PSMB2: variants seen among roughly 807,000 people sequenced by gnomAD.
PSMB2 encodes proteasome 20S subunit beta 2, also known as proteasome subunit beta type-2.
PSMB2 carries 13 observed loss-of-function variants against 25.7 expected under a neutral mutation model. That is an observed-to-expected ratio of 0.51 (90% CI 0.33 to 0.80). The LOEUF is 0.80. PSMB2 is among the 30% of genes least tolerant of loss of function. The probability of loss-of-function intolerance (pLI) is 0.02; values close to 1 mark genes in which losing one functional copy is unlikely to be tolerated. For synonymous variants in PSMB2, 87 were observed against 96.2 expected (o/e 0.90, Z 0.56); for missense variants, 202 against 259.0 (o/e 0.78, Z 1.51).
chr1:35,628,605 A>ATATATATT (rs1650972522), intron 3 of PSMB2, among the ~76,000 whole-genome samples: 2 of 23,690 alleles, frequency 8.4e-5, no homozygotes, highest in African/African-American at 2.5e-4. Flanking sequence ...AAATATATAT[A>ATATATATT]TATATATATA....
rs755346635 is a variant in PSMB2, at chr1:35,641,318, C to T, written c.91+24G>A. The T allele has an allele frequency of 1.9e-6, 3 of 1,613,870 alleles. No individual in the cohort carries two copies. In the East Asian group the frequency reaches 6.7e-5, roughly 36 times the overall value. ...GCCGCTCCTACACCCCAGGCCTGGC[C>T]GGGCCTCCCCTGCTTCCTCTCACCG... On this transcript the variant is annotated intron_variant, in intron 1 of 5. Transcript: ENST00000373237.
At chr1:35,633,724 T>C (rs1186531131) in intron 2 of PSMB2, among the ~76,000 whole-genome samples, 6 of 152,280 alleles carry the variant, frequency 3.9e-5, no homozygotes, top group Admixed American at 3.3e-4. Flanking sequence ...CTAAGTACCA[T>C]GTACTTTATG....
chr1:35,623,900 C>T (rs1650771243), intron 3 of PSMB2, among the ~76,000 whole-genome samples: 1 of 152,190 alleles, frequency 6.6e-6, no homozygotes, highest in Non-Finnish European at 1.5e-5. Context: ...TTCACCTGGG[C>T]CATCTGTTCA....
intron 5 of PSMB2, 123 bp downstream of exon 5, chr1:35,605,110 T>C: frequency 2.4e-6 from 2 of 831,632 alleles, no homozygotes; most frequent in Non-Finnish European, 3.8e-6. Context: ...ACTTCACATC[T>C]GGTTAGTGGG....
At chr1:35,622,686 C>T (rs574504207) in intron 3 of PSMB2, among the ~76,000 whole-genome samples, 2 of 151,970 alleles carry the variant, frequency 1.3e-5, no homozygotes, top group South Asian at 2.1e-4. Flanking sequence ...CACATATATG[C>T]TCTCTGAGTG....
rs1651316107 is a variant in PSMB2 at position 35,638,848 on chromosome 1, G to A, written c.92-2416C>T. ...AAGTGACATACTGGACAATTGATTG[G>A]AAGTTGTATTATCATTTTATACTTG... On this transcript the variant is annotated intron_variant, in intron 1 of 5. Transcript: ENST00000373237. Among the ~76,000 whole-genome samples, 4 of 152,214 alleles carry A rather than the reference G, an allele frequency of 2.6e-5. No individual in the cohort carries two copies. In the South Asian group the frequency reaches 8.3e-4, roughly 31 times the overall value.
chr1:35,622,815 AAAAAAAAAAAGAAAG>A (rs1650728975), intron 3 of PSMB2, among the ~76,000 whole-genome samples: 3 of 151,984 alleles, frequency 2.0e-5, no homozygotes, highest in African/African-American at 7.3e-5. Context: ...ACATTTAAAA[AAAAAAAAAAAGAAAG>A]AAAAAGAAAA....
chr1:35,628,632 T>TAAATATATTTTG, intron 3 of PSMB2, among the ~76,000 whole-genome samples: 1 of 35,484 alleles, frequency 2.8e-5, no homozygotes, highest in Non-Finnish European at 5.2e-5. Flanking sequence ...TATATATATA[T>TAAATATATTTTG]TTTTTTTTTT....
At chr1:35,611,283 A>G (rs965880934) in intron 3 of PSMB2, among the ~76,000 whole-genome samples, 3 of 151,826 alleles carry the variant, frequency 2.0e-5, no homozygotes. Context: ...TTCTTTGAAC[A>G]CTGATTAACA....
chr1:35,617,387 T>C (rs914527312), intron 3 of PSMB2, among the ~76,000 whole-genome samples: 1 of 152,156 alleles, frequency 6.6e-6, no homozygotes, highest in African/African-American at 2.4e-5. Flanking sequence ...TATTCCTTTT[T>C]AAGGAAACCC....
Position 35,602,064 on chromosome 1 carries a change from G to T in PSMB2, c.*1203C>A. ...AAAATACTTTTTAGCCGGGCACGGTGGCTCACGCCTGTAATCCCAGCACTG... is the reference window on the plus strand; with the variant it reads ...AAAATACTTTTTAGCCGGGCACGGTTGCTCACGCCTGTAATCCCAGCACTG... On this transcript the variant is annotated 3_prime_UTR_variant, in exon 6 of 6. Transcript: ENST00000373237. 1 of 541,276 alleles carries T rather than the reference G, an allele frequency of 1.8e-6. No individual in the cohort carries two copies. Among genetic ancestry groups the T allele is most frequent in the Non-Finnish European group, 2.4e-6 (1 of 424,750 alleles). The allele number at this position is 541,276 out of a possible 1,614,324, so 33.5% of individuals were successfully genotyped here.
chr1:35,641,209 TA>T, intron 1 of PSMB2, 132 bp downstream of exon 1: 1 of 1,150,582 alleles, frequency 8.7e-7, no homozygotes, highest in Non-Finnish European at 1.2e-6. Flanking sequence ...AATAAATAAA[TA>T]AAATAAGTAC....
intron 2 of PSMB2, among the ~76,000 whole-genome samples, chr1:35,632,897 C>A (rs1210299533): frequency 6.6e-6 from 1 of 151,364 alleles, no homozygotes; most frequent in African/African-American, 2.4e-5. Context: ...CCTGTCTCAA[C>A]AACAACAACA....
At position 35,637,988 on chromosome 1, in the gene PSMB2, A is replaced by AT. The variant is rs562496831; in HGVS notation, c.92-1557dup. 1.6e-4 allele frequency among the ~76,000 whole-genome samples: 25 copies of AT among 152,278 alleles called. No homozygotes were observed. In the South Asian group the frequency reaches 4.1e-3, roughly 25 times the overall value. ...TTTTCCTAAAACTTCTATACTTAAC[A>AT]TGCCTCACTTTTATAAGAAAGCATT... On this transcript the variant is annotated intron_variant, in intron 1 of 5. Coordinates refer to ENST00000373237, the MANE Select transcript of PSMB2 (RefSeq NM_002794.5).
chr1:35,636,769 G>A (rs1278468806), intron 1 of PSMB2, among the ~76,000 whole-genome samples: 3 of 152,158 alleles, frequency 2.0e-5, no homozygotes, highest in African/African-American at 7.2e-5. Flanking sequence ...TAGGTAATAT[G>A]CAAATACTAT....
At chr1:35,628,588 AAAAAAAAAATATATAT>A (rs1557456122) in intron 3 of PSMB2, among the ~76,000 whole-genome samples, 8 of 18,960 alleles carry the variant, frequency 4.2e-4, no homozygotes, top group Non-Finnish European at 7.5e-4. Context: ...GAAAAAAAAA[AAAAAAAAAATATATAT>A]ATATATATAT....
chr1:35,602,918 T>C lies in PSMB2; in HGVS notation c.*349A>G, dbSNP rs752807683. ...GTTTAAGGGCAAAAAGAACCACTACTTTAGAGAGAATGGAGATACTAGCAA... is the reference window on the plus strand; with the variant it reads ...GTTTAAGGGCAAAAAGAACCACTACCTTAGAGAGAATGGAGATACTAGCAA... On this transcript the variant is annotated 3_prime_UTR_variant, in exon 6 of 6. Coordinates refer to ENST00000373237, the MANE Select transcript of PSMB2 (RefSeq NM_002794.5). 6 of 1,018,168 alleles carry C rather than the reference T, an allele frequency of 5.9e-6. No individual in the cohort carries two copies. In the East Asian group the frequency reaches 4.5e-4, roughly 77 times the overall value. The allele number at this position is 1,018,168 out of a possible 1,614,324, so 63.1% of individuals were successfully genotyped here.
intron 3 of PSMB2, among the ~76,000 whole-genome samples, chr1:35,617,379 T>C (rs1650523075): frequency 2.0e-5 from 3 of 152,160 alleles, no homozygotes; most frequent in Non-Finnish European, 4.4e-5. Flanking sequence ...CTTGGCTATA[T>C]TCCTTTTTAA....
chr1:35,631,246 A>G (rs1553125428), intron 3 of PSMB2, 28 bp downstream of exon 3: 6 of 1,601,106 alleles, frequency 3.7e-6, no homozygotes, highest in Admixed American at 3.3e-5. Context: ...TTTCTGCTCT[A>G]TCTAACAATG....
Sources: gnomAD v4.1 joint callset for allele counts (sites outside exome capture counted in the v4.1 genomes callset) on GRCh38, gnomAD v4.1.1 for gene constraint, MANE v1.5 for transcripts, NCBI Gene and HGNC (gene_info 2026-07-23, HGNC 2026-07-21) for gene names.